The following GLRA3 variants were observed in gnomAD, a reference collection of about 807,000 sequenced individuals.
GLRA3 encodes the protein glycine receptor subunit alpha-3.
Under a neutral mutation model 60.4 loss-of-function variants are expected in GLRA3, and 44 were observed. That is an observed-to-expected ratio of 0.73 (90% CI 0.57 to 0.94). The LOEUF is 0.94. Ranked by LOEUF, GLRA3 falls within the 40% of genes least tolerant of loss-of-function variation. The probability of loss-of-function intolerance (pLI) is 0.00; values close to 1 mark genes in which losing one functional copy is unlikely to be tolerated. For missense variants in GLRA3, 508 were observed against 564.6 expected (o/e 0.90, Z 1.02); for synonymous variants, 223 against 192.9 (o/e 1.16, Z -1.29).
intron 3 of GLRA3, among the ~76,000 whole-genome samples, chr4:174,757,416 T>C (rs1305527071): frequency 6.6e-6 from 1 of 152,120 alleles, no homozygotes; most frequent in African/African-American, 2.4e-5. Context: ...AAAAGAATTC[T>C]TGCAGAAATG....
chr4:174,772,515 G>A (rs780409069), intron 2 of GLRA3, among the ~76,000 whole-genome samples: 13 of 151,992 alleles, frequency 8.6e-5, no homozygotes, highest in Non-Finnish European at 1.3e-4. Flanking sequence ...AATGAATTTG[G>A]ACATCAAATC....
intron 1 of GLRA3, among the ~76,000 whole-genome samples, chr4:174,792,591 A>G (rs1197716508): frequency 6.6e-6 from 1 of 152,164 alleles, no homozygotes; most frequent in African/African-American, 2.4e-5. Flanking sequence ...TTCCAAACCC[A>G]TATGGACATA....
Position 174,640,625 on chromosome 4 carries a change from T to C in GLRA3, c.*3161A>G, listed in dbSNP as rs1732603262. 6.6e-6 allele frequency: 1 copy of C among 152,118 alleles called. No homozygotes were observed. Among genetic ancestry groups the C allele is most frequent in the Non-Finnish European group, 1.5e-5 (1 of 67,986 alleles). The allele number at this position is 152,118 out of a possible 1,614,324, so 9.4% of individuals were successfully genotyped here. ...AAGTAGTGAACAGCTTGCTCTCTTC[T>C]GTTAGTTAAACATTTAGATTATTCA... On this transcript the variant is annotated 3_prime_UTR_variant, in exon 10 of 10. Coordinates refer to ENST00000274093, the MANE Select transcript of GLRA3 (RefSeq NM_006529.4).
At chr4:174,811,144 G>GAC (rs1330874890) in intron 1 of GLRA3, among the ~76,000 whole-genome samples, 2 of 141,918 alleles carry the variant, frequency 1.4e-5, no homozygotes, top group Admixed American at 7.6e-5. Context: ...CACAGACACA[G>GAC]ACACACACAC....
intron 7 of GLRA3, among the ~76,000 whole-genome samples, chr4:174,667,731 A>G (rs780948690): frequency 4.6e-5 from 7 of 152,202 alleles, no homozygotes; most frequent in Non-Finnish European, 1.0e-4. Flanking sequence ...ATCTTAAAAA[A>G]GAAAAAGAAT....
chr4:174,788,260 G>T, intron 2 of GLRA3, among the ~76,000 whole-genome samples: 1 of 151,744 alleles, frequency 6.6e-6, no homozygotes, highest in East Asian at 1.9e-4. Flanking sequence ...ATAAAAAGTG[G>T]TACTCTTAAA....
At chr4:174,791,242 A>G (rs1739336046) in intron 1 of GLRA3, among the ~76,000 whole-genome samples, 1 of 152,150 alleles carries the variant, frequency 6.6e-6, no homozygotes, top group South Asian at 2.1e-4. Context: ...CAATGTGACC[A>G]TGGAGACAGG....
In GLRA3 at chr4:174,715,569, A is replaced by G. The variant is rs1460772990; in HGVS notation, c.493T>C (p.Leu165=). The G allele has an allele frequency of 1.4e-6, 2 of 1,411,726 alleles. No individual in the cohort carries two copies. Among genetic ancestry groups the G allele is most frequent in the East Asian group, 4.6e-5 (2 of 43,574 alleles). 87.4% of individuals were successfully genotyped at this position (1,411,726 alleles called of 1,614,324 possible). A position where few individuals can be genotyped will look rare whatever the true frequency, so the allele number is the denominator to read the frequency against. The change falls in exon 5 of 10, where the codon TTA becomes CTA. Residue 165 remains leucine (L), a splice_region_variant and synonymous_variant. Transcript: ENST00000274093. ...KNGNVLYSIR[L]TLTLSCPMDL... ...ATTGGACAGGAAAGTGTTAATGTTA[A>G]TCTGAAAGTCAAAGTAATTATTTTT...
intron 5 of GLRA3, among the ~76,000 whole-genome samples, chr4:174,686,597 T>C (rs1430034643): frequency 6.6e-6 from 1 of 152,192 alleles, no homozygotes; most frequent in African/African-American, 2.4e-5. Flanking sequence ...CAATGTGAGA[T>C]ATTATTGCCG....
At chr4:174,823,082 A>G (rs919764312) in intron 1 of GLRA3, among the ~76,000 whole-genome samples, 3 of 152,170 alleles carry the variant, frequency 2.0e-5, no homozygotes, top group Non-Finnish European at 2.9e-5. Context: ...CATTCCATAT[A>G]TACACTGTTT....
Position 174,690,244 on chromosome 4 carries a change from C to T in GLRA3, c.575-7305G>A, listed in dbSNP as rs535278651. The stretch of plus-strand genomic sequence containing the variant: ...ACTTCTTTATTATTTTCAAAACTAC[C>T]TTTACCATGCATAGACTTTTATATT... On this transcript the variant is annotated intron_variant, in intron 5 of 9. Transcript: ENST00000274093. Among the ~76,000 whole-genome samples the T allele has an allele frequency of 9.2e-5, 14 of 152,218 alleles. No homozygotes were observed. In the South Asian group the frequency reaches 2.1e-3, roughly 23 times the overall value.
intron 1 of GLRA3, among the ~76,000 whole-genome samples, chr4:174,813,026 A>G (rs1209551769): frequency 6.6e-6 from 1 of 152,212 alleles, no homozygotes; most frequent in Non-Finnish European, 1.5e-5. Context: ...TTTGTACAAA[A>G]AGGCTAGCTA....
At chr4:174,658,358 A>G (rs944653316) in intron 8 of GLRA3, among the ~76,000 whole-genome samples, 3 of 152,192 alleles carry the variant, frequency 2.0e-5, no homozygotes, top group Non-Finnish European at 4.4e-5. Flanking sequence ...AACCACATGC[A>G]TGTCAAGGAA....
chr4:174,664,974 C>T (rs1459357055), intron 7 of GLRA3, among the ~76,000 whole-genome samples: 1 of 151,938 alleles, frequency 6.6e-6, no homozygotes, highest in Non-Finnish European at 1.5e-5. Context: ...GAAAAACATA[C>T]AATAAAAGCA....
In GLRA3 at chr4:174,767,043, T is replaced by G; in HGVS notation, c.200-13A>C. 1 of 1,521,518 alleles carries G rather than the reference T, an allele frequency of 6.6e-7. No individual in the cohort carries two copies. Among genetic ancestry groups the G allele is most frequent in the Non-Finnish European group, 9.1e-7 (1 of 1,097,572 alleles). 94.3% of individuals were successfully genotyped at this position (1,521,518 alleles called of 1,614,324 possible). A position where few individuals can be genotyped will look rare whatever the true frequency, so the allele number is the denominator to read the frequency against. On this transcript the variant is annotated splice_polypyrimidine_tract_variant and intron_variant, in intron 2 of 9. Transcript: ENST00000274093. ...TTAACTGGAGGGCCTGAAAAAGAGA[T>G]GAAAACATAAGGGCTGTTTAGAGAC... is the stretch of plus-strand genomic sequence containing the variant.
chr4:174,795,934 T>A (rs1739548399), intron 1 of GLRA3, among the ~76,000 whole-genome samples: 1 of 152,156 alleles, frequency 6.6e-6, no homozygotes, highest in South Asian at 2.1e-4. Context: ...AACCAAACTC[T>A]ACAGATTGAT....
chr4:174,814,133 G>A (rs975524316), intron 1 of GLRA3, among the ~76,000 whole-genome samples: 1 of 152,166 alleles, frequency 6.6e-6, no homozygotes, highest in African/African-American at 2.4e-5. Flanking sequence ...TGCTGTCCAT[G>A]GCTGGCTTAA....
chr4:174,761,476 G>A (rs1009429292), intron 3 of GLRA3, among the ~76,000 whole-genome samples: 3 of 152,014 alleles, frequency 2.0e-5, no homozygotes, highest in Non-Finnish European at 2.9e-5. Context: ...TATGTACACC[G>A]ACACCTGAAA....
intron 1 of GLRA3, among the ~76,000 whole-genome samples, chr4:174,827,361 T>C (rs1166490236): frequency 6.6e-6 from 1 of 151,698 alleles, no homozygotes; most frequent in African/African-American, 2.4e-5. Flanking sequence ...TTTAGCTTCC[T>C]AAATCTAAGT....
Sources: gnomAD v4.1 joint callset for allele counts (sites outside exome capture counted in the v4.1 genomes callset) on GRCh38, gnomAD v4.1.1 for gene constraint, MANE v1.5 for transcripts, NCBI Gene and HGNC (gene_info 2026-07-23, HGNC 2026-07-21) for gene names.